The following CCDC171 variants were observed in gnomAD, a reference collection of about 807,000 sequenced individuals.
CCDC171 encodes the protein coiled-coil domain containing 171.
In CCDC171, 177 loss-of-function variants were observed where a neutral mutation model predicts 168.2. The observed-to-expected ratio is 1.05, with a 90% CI of 0.93 to 1.19. The LOEUF is 1.19. Ranked by LOEUF, CCDC171 falls within the 50% of genes most tolerant of loss-of-function variation. The pLI is 0.00. For synonymous variants in CCDC171, 687 were observed against 540.8 expected (o/e 1.27, Z -3.75); for missense variants, 1,991 against 1,539.0 (o/e 1.29, Z -4.91).
chr9:15,620,401 G>A (rs566465232), intron 6 of CCDC171, among the ~76,000 whole-genome samples: 1 of 152,094 alleles, frequency 6.6e-6, no homozygotes, highest in African/African-American at 2.4e-5. Context: ...GATAACTTTG[G>A]GGGTGGGGGC....
intron 10 of CCDC171, among the ~76,000 whole-genome samples, chr9:15,690,646 T>C (rs1309164277): frequency 6.6e-6 from 1 of 152,160 alleles, no homozygotes; most frequent in Non-Finnish European, 1.5e-5. Flanking sequence ...AAGCATACTA[T>C]TGATTTGCAC....
chr9:15,613,459 T>C (rs1356587874), intron 6 of CCDC171, among the ~76,000 whole-genome samples: 1 of 152,100 alleles, frequency 6.6e-6, no homozygotes, highest in Non-Finnish European at 1.5e-5. Flanking sequence ...AAATGTTATC[T>C]ATACATACAT....
intron 24 of CCDC171, among the ~76,000 whole-genome samples, chr9:15,901,769 A>G (rs1258074998): frequency 2.0e-5 from 3 of 152,184 alleles, no homozygotes; most frequent in Admixed American, 2.0e-4. Context: ...GGCTTTTGCA[A>G]TGTAGAGGGG....
intron 7 of CCDC171, among the ~76,000 whole-genome samples, chr9:15,628,640 C>T (rs546362664): frequency 0.017 from 2,630 of 152,330 alleles, 89 homozygotes; most frequent in African/African-American, 0.06. Flanking sequence ...CCTCTGCAGA[C>T]TTAAATGTCC....
chr9:15,793,155 A>G (rs539647297), intron 21 of CCDC171, among the ~76,000 whole-genome samples: 1 of 152,030 alleles, frequency 6.6e-6, no homozygotes, highest in Non-Finnish European at 1.5e-5. Flanking sequence ...GAAAACAAAA[A>G]AAGGCAGGGG....
At chr9:15,599,288 G>T (rs1270628819) in intron 6 of CCDC171, among the ~76,000 whole-genome samples, 2 of 152,080 alleles carry the variant, frequency 1.3e-5, no homozygotes, top group African/African-American at 4.8e-5. Context: ...GGCTGTTATT[G>T]GTTGTTCCTT....
chr9:15,617,713 C>G (rs2044194534), intron 6 of CCDC171, among the ~76,000 whole-genome samples: 1 of 152,016 alleles, frequency 6.6e-6, no homozygotes, highest in Non-Finnish European at 1.5e-5. Context: ...TGATGTTGTT[C>G]CTTTCTGTTT....
intron 1 of CCDC171, among the ~76,000 whole-genome samples, chr9:16,055,120 C>A (rs1162671573): frequency 6.6e-6 from 1 of 152,098 alleles, no homozygotes; most frequent in Non-Finnish European, 1.5e-5. Flanking sequence ...CAAAGGAGGA[C>A]CTCAGATTTT....
chr9:15,668,424 T>G (rs1396227490), intron 9 of CCDC171, among the ~76,000 whole-genome samples: 2 of 152,168 alleles, frequency 1.3e-5, no homozygotes, highest in Non-Finnish European at 2.9e-5. Context: ...AGTATTCCAG[T>G]AAGCACCAAC....
intron 7 of CCDC171, among the ~76,000 whole-genome samples, chr9:15,627,586 A>C (rs1326009584): frequency 6.6e-6 from 1 of 152,222 alleles, no homozygotes; most frequent in African/African-American, 2.4e-5. Flanking sequence ...CCCAGTAGTC[A>C]TTCAGGAGCA....
intron 19 of CCDC171, 66 bp downstream of exon 19, chr9:15,777,892 T>G: frequency 9.3e-7 from 1 of 1,074,664 alleles, no homozygotes. Context: ...ATTAGCCTAA[T>G]TTGTAGTTTA....
intron 3 of CCDC171, among the ~76,000 whole-genome samples, chr9:15,998,929 A>G (rs1191387628): frequency 1.3e-5 from 2 of 152,170 alleles, no homozygotes; most frequent in Non-Finnish European, 2.9e-5. Context: ...TCATTCCCCA[A>G]AGCTACATGT....
chr9:15,587,962 C>A (rs368647783), intron 4 of CCDC171, among the ~76,000 whole-genome samples: 1 of 152,126 alleles, frequency 6.6e-6, no homozygotes, highest in Non-Finnish European at 1.5e-5. Flanking sequence ...TGAGGCCAGG[C>A]GCGGTGGCTC....
At chr9:15,994,437 G>C (rs975309954) in intron 3 of CCDC171, among the ~76,000 whole-genome samples, 4 of 152,182 alleles carry the variant, frequency 2.6e-5, no homozygotes, top group East Asian at 1.9e-4. Flanking sequence ...GCCTGTCATG[G>C]GGTGGAGGGA....
At chr9:15,873,214 A>C (rs1817411903) in intron 23 of CCDC171, among the ~76,000 whole-genome samples, 1 of 152,090 alleles carries the variant, frequency 6.6e-6, no homozygotes, top group African/African-American at 2.4e-5. Flanking sequence ...TGGCTTAAAG[A>C]AACTCAATAG....
intron 16 of CCDC171, among the ~76,000 whole-genome samples, chr9:15,742,812 C>T (rs565417380): frequency 0.018 from 2,621 of 149,518 alleles, 89 homozygotes; most frequent in African/African-American, 0.06. Context: ...TTTTTTTTTT[C>T]TTTTTTAATA....
intron 7 of CCDC171, among the ~76,000 whole-genome samples, chr9:15,649,420 C>G (rs2047320963): frequency 1.3e-5 from 2 of 152,110 alleles, no homozygotes; most frequent in South Asian, 4.1e-4. Context: ...AACTAAAGAG[C>G]TCCTGCACAG....
chr9:15,708,438 C>A (rs2052410151), intron 11 of CCDC171, among the ~76,000 whole-genome samples: 1 of 152,158 alleles, frequency 6.6e-6, no homozygotes, highest in South Asian at 2.1e-4. Flanking sequence ...TGTTCTCCTG[C>A]CACGGTATCC....
At chr9:15,986,885 C>G (rs991523372) in intron 3 of CCDC171, among the ~76,000 whole-genome samples, 1 of 152,008 alleles carries the variant, frequency 6.6e-6, no homozygotes, top group African/African-American at 2.4e-5. Flanking sequence ...TGTAATATTT[C>G]AAATCAGTGG....
Sources: gnomAD v4.1 joint callset for allele counts (sites outside exome capture counted in the v4.1 genomes callset) on GRCh38, gnomAD v4.1.1 for gene constraint, MANE v1.5 for transcripts, NCBI Gene and HGNC (gene_info 2026-07-23, HGNC 2026-07-21) for gene names.